The following CTNNA2 variants were observed in gnomAD, a reference collection of about 807,000 sequenced individuals.
The protein encoded by CTNNA2 is catenin alpha 2.
Under a neutral mutation model 101.0 loss-of-function variants are expected in CTNNA2, and 42 were observed. That is an observed-to-expected ratio of 0.42 (90% CI 0.32 to 0.54). The LOEUF is 0.54. CTNNA2 is among the 20% of genes least tolerant of loss of function. The pLI, the probability that CTNNA2 is intolerant of heterozygous loss-of-function variation, is 0.14. For missense variants in CTNNA2, 871 were observed against 1,223.1 expected (o/e 0.71, Z 4.29); for synonymous variants, 450 against 456.4 (o/e 0.99, Z 0.18).
intron 9 of CTNNA2, among the ~76,000 whole-genome samples, chr2:80,524,819 C>T (rs1689886566): frequency 6.6e-6 from 1 of 152,168 alleles, no homozygotes; most frequent in South Asian, 2.1e-4. Context: ...ACTTGGTGGT[C>T]CCACTCTGAC....
intron 3 of CTNNA2, among the ~76,000 whole-genome samples, chr2:79,358,491 C>A (rs548524310): frequency 1.3e-5 from 2 of 152,100 alleles, no homozygotes; most frequent in African/African-American, 2.4e-5. Flanking sequence ...TGAGCCACTG[C>A]GCCTGGCCAA....
chr2:80,435,983 C>T (rs1681989297), intron 9 of CTNNA2, among the ~76,000 whole-genome samples: 1 of 152,118 alleles, frequency 6.6e-6, no homozygotes, highest in South Asian at 2.1e-4. Flanking sequence ...GCCTAGTGAT[C>T]TCCTGCTTAA....
At chr2:80,199,753 G>A (rs1324042989) in intron 7 of CTNNA2, among the ~76,000 whole-genome samples, 1 of 152,232 alleles carries the variant, frequency 6.6e-6, no homozygotes, top group Non-Finnish European at 1.5e-5. Context: ...CAAAGTGCTG[G>A]TCAGGATAGT....
At chr2:80,627,369 C>T (rs1203160057) in intron 18 of CTNNA2, among the ~76,000 whole-genome samples, 14 of 152,140 alleles carry the variant, frequency 9.2e-5, no homozygotes, top group Admixed American at 9.2e-4. Flanking sequence ...CACATCCTCT[C>T]CAGCATCTGT....
chr2:79,748,915 G>A (rs992878035), intron 3 of CTNNA2, among the ~76,000 whole-genome samples: 2 of 151,976 alleles, frequency 1.3e-5, no homozygotes, highest in African/African-American at 4.8e-5. Context: ...TGGGGATGAC[G>A]CCAGGATCAC....
At chr2:79,977,844 T>C (rs1690976971) in intron 7 of CTNNA2, among the ~76,000 whole-genome samples, 1 of 152,154 alleles carries the variant, frequency 6.6e-6, no homozygotes, top group South Asian at 2.1e-4. Context: ...TATCTTTCTC[T>C]GGCCAGAGGG....
chr2:80,486,537 G>A (rs1024383344), intron 9 of CTNNA2, among the ~76,000 whole-genome samples: 5 of 152,106 alleles, frequency 3.3e-5, no homozygotes, highest in Admixed American at 6.6e-5. Flanking sequence ...GGCTCACTGC[G>A]ATTTCATCTC....
chr2:79,577,386 T>C (rs1217847065), intron 1 of CTNNA2, among the ~76,000 whole-genome samples: 1 of 152,126 alleles, frequency 6.6e-6, no homozygotes, highest in Non-Finnish European at 1.5e-5. Context: ...GAGATAATGA[T>C]TTATATCGAA....
intron 4 of CTNNA2, among the ~76,000 whole-genome samples, chr2:79,379,480 C>T (rs1678016122): frequency 6.6e-6 from 1 of 152,194 alleles, no homozygotes; most frequent in Non-Finnish European, 1.5e-5. Flanking sequence ...TACTGCATAC[C>T]TTTCCCTTTC....
At chr2:79,404,111 G>A (rs1429371373) in intron 4 of CTNNA2, among the ~76,000 whole-genome samples, 1 of 150,438 alleles carries the variant, frequency 6.6e-6, no homozygotes, top group Admixed American at 6.7e-5. Flanking sequence ...TATACTGAAA[G>A]CAAAAGTCTT....
intron 9 of CTNNA2, among the ~76,000 whole-genome samples, chr2:80,501,378 T>C (rs1011832673): frequency 6.6e-6 from 1 of 152,196 alleles, no homozygotes; most frequent in Non-Finnish European, 1.5e-5. Context: ...AAAGCTGACA[T>C]TGTATTACTA....
chr2:80,016,846 T>A (rs571772195), intron 7 of CTNNA2, among the ~76,000 whole-genome samples: 1 of 152,324 alleles, frequency 6.6e-6, no homozygotes, highest in South Asian at 2.1e-4. Context: ...TCTGAGTTAA[T>A]AGGAAGACAG....
At chr2:79,344,829 A>T (rs1013371705) in intron 3 of CTNNA2, among the ~76,000 whole-genome samples, 79 of 145,758 alleles carry the variant, frequency 5.4e-4, no homozygotes, top group Non-Finnish European at 1.0e-3. Context: ...TATAATATAT[A>T]ATATATATAA....
chr2:80,154,325 T>C (rs1368993362), intron 7 of CTNNA2, among the ~76,000 whole-genome samples: 1 of 152,152 alleles, frequency 6.6e-6, no homozygotes, highest in Non-Finnish European at 1.5e-5. Flanking sequence ...GTTGGTTTAA[T>C]TAGAAGAGAT....
intron 7 of CTNNA2, among the ~76,000 whole-genome samples, chr2:80,276,564 G>A (rs948944910): frequency 2.6e-5 from 4 of 152,090 alleles, no homozygotes; most frequent in African/African-American, 7.2e-5. Context: ...TTCTGATGAA[G>A]GCTTCAATGT....
chr2:80,231,741 G>A (rs113753554), intron 7 of CTNNA2, among the ~76,000 whole-genome samples: 1,639 of 152,204 alleles, frequency 0.011, 26 homozygotes, highest in African/African-American at 0.036. Context: ...AGCAGGCCCC[G>A]CAGGAAATCA....
intron 2 of CTNNA2, among the ~76,000 whole-genome samples, chr2:79,661,097 A>G (rs1416759895): frequency 2.6e-5 from 4 of 152,158 alleles, no homozygotes; most frequent in Admixed American, 1.3e-4. Flanking sequence ...ACCCTGTGCC[A>G]TGTGATAAGT....
At chr2:80,146,182 T>C (rs532257806) in intron 7 of CTNNA2, among the ~76,000 whole-genome samples, 1 of 152,324 alleles carries the variant, frequency 6.6e-6, no homozygotes, top group South Asian at 2.1e-4. Context: ...CTGGCAGCCA[T>C]GGAGGTGAGA....
intron 7 of CTNNA2, among the ~76,000 whole-genome samples, chr2:80,129,562 T>G (rs1008943452): frequency 2.0e-5 from 3 of 152,180 alleles, no homozygotes; most frequent in South Asian, 2.1e-4. Flanking sequence ...GTTGGTTCAG[T>G]TACCCAATTA....
Sources: allele counts gnomAD v4.1 joint callset (sites outside exome capture counted in the v4.1 genomes callset), GRCh38; gene constraint gnomAD v4.1.1; transcripts MANE v1.5; gene names NCBI Gene and HGNC (gene_info 2026-07-23, HGNC 2026-07-21).